The following SPSB1 variants were observed in gnomAD, a reference collection of about 807,000 sequenced individuals.
SPSB1 encodes SPRY domain-containing SOCS box protein 1.
SPSB1 carries 8 observed loss-of-function variants against 21.2 expected under a neutral mutation model. The ratio of observed to expected loss-of-function variants is 0.38; its 90% CI spans 0.22 to 0.68. The LOEUF (loss-of-function observed/expected upper bound fraction) is 0.68. Among genes scored for constraint, SPSB1 ranks in the 30% least tolerant of loss-of-function variants. The pLI is 0.53. For missense variants in SPSB1, 242 were observed against 377.8 expected (o/e 0.64, Z 2.98); for synonymous variants, 169 against 161.7 (o/e 1.05, Z -0.34).
chr1:9,342,270 A>G (rs1640102887), intron 1 of SPSB1, among the ~76,000 whole-genome samples: 1 of 152,130 alleles, frequency 6.6e-6, no homozygotes, highest in African/African-American at 2.4e-5. Context: ...CAGGCCTGTG[A>G]GTGACGATCC....
rs1167758313 is a variant in SPSB1 at position 9,305,250 on chromosome 1, C to T, written c.-150+12179C>T. Among the ~76,000 whole-genome samples, 1 of 152,214 alleles carries T rather than the reference C, an allele frequency of 6.6e-6. No homozygotes were observed. The highest frequency in any genetic ancestry group is 1.5e-5 in the Non-Finnish European group (1 of 68,032). ...CTACCGGCTGGCCCATACCCTCTCG[C>T]TTCACTTTCCAAAACCGGATCCCCT... is the stretch of plus-strand genomic sequence containing the variant. On this transcript the variant is annotated intron_variant, in intron 1 of 2. Coordinates refer to ENST00000328089, the MANE Select transcript of SPSB1 (RefSeq NM_025106.4). The surrounding 1 kb of genome is among the most constrained non-coding windows in gnomAD (Gnocchi z 4.8).
intron 1 of SPSB1, among the ~76,000 whole-genome samples, chr1:9,325,225 ACCCC>A (rs33978312): frequency 6.0e-5 from 8 of 133,716 alleles, no homozygotes; most frequent in Non-Finnish European, 7.6e-5. Flanking sequence ...TCCCACCACC[ACCCC>A]CCCCCCCCGC....
chr1:9,365,649 G>A (rs1173415673), intron 2 of SPSB1, among the ~76,000 whole-genome samples: 1 of 152,272 alleles, frequency 6.6e-6, no homozygotes, highest in East Asian at 1.9e-4. Flanking sequence ...TCTCCATTCT[G>A]CCATGCCCCA....
chr1:9,330,730 C>A, intron 1 of SPSB1, among the ~76,000 whole-genome samples: 1 of 150,604 alleles, frequency 6.6e-6, no homozygotes, highest in Admixed American at 6.6e-5. Flanking sequence ...CGTGGTAAAA[C>A]ATACAAAAAC....
At chr1:9,299,468 ATCTCTC>A (rs113928555) in intron 1 of SPSB1, among the ~76,000 whole-genome samples, 2 of 150,274 alleles carry the variant, frequency 1.3e-5, no homozygotes, top group South Asian at 2.1e-4. Flanking sequence ...GTGAGACGTC[ATCTCTC>A]TCTCTCTCTC....
intron 1 of SPSB1, chr1:9,339,382 C>A: frequency 2.4e-6 from 2 of 842,408 alleles, no homozygotes; most frequent in Non-Finnish European, 2.9e-6. Flanking sequence ...AGGCCAGGTT[C>A]TGGCAGGACC....
chr1:9,318,026 G>A (rs1639642900), intron 1 of SPSB1, among the ~76,000 whole-genome samples: 1 of 152,232 alleles, frequency 6.6e-6, no homozygotes, highest in African/African-American at 2.4e-5. Context: ...TGCCAGGTGG[G>A]GAGAGGAAGC....
chr1:9,330,626 G>A (rs182667936), intron 1 of SPSB1, among the ~76,000 whole-genome samples: 2 of 151,890 alleles, frequency 1.3e-5, no homozygotes, highest in Non-Finnish European at 2.9e-5. Flanking sequence ...TTTTGGGTTT[G>A]CCTGTCCTCT....
At chr1:9,349,278 G>T (rs796228916) in intron 1 of SPSB1, among the ~76,000 whole-genome samples, 1 of 152,200 alleles carries the variant, frequency 6.6e-6, no homozygotes, top group Non-Finnish European at 1.5e-5. Context: ...GCTTCCCCGA[G>T]CCCAGCCCTC....
At position 9,368,710 on chromosome 1, in the gene SPSB1, G is replaced by T. The variant is rs9728893; in HGVS notation, c.*1135G>T. 2 of 151,820 alleles carry T rather than the reference G, an allele frequency of 1.3e-5. No individual in the cohort carries two copies. Among genetic ancestry groups the T allele is most frequent in the East Asian group, 2.0e-4 (1 of 5,126 alleles). 9.4% of individuals were successfully genotyped at this position (151,820 alleles called of 1,614,324 possible). ...GTGGGTCTCCATTCCCCGAGAAGCCGGGGGCAGGGTGGGATGGGGAAGACC... is the reference window on the plus strand; with the variant it reads ...GTGGGTCTCCATTCCCCGAGAAGCCTGGGGCAGGGTGGGATGGGGAAGACC... On this transcript the variant is annotated 3_prime_UTR_variant, in exon 3 of 3. Transcript: ENST00000328089.
intron 1 of SPSB1, among the ~76,000 whole-genome samples, chr1:9,353,384 C>T (rs1370675121): frequency 6.6e-6 from 1 of 152,148 alleles, no homozygotes; most frequent in Non-Finnish European, 1.5e-5. Context: ...TCTGCAGCGC[C>T]ATGGAGGGAG....
At chr1:9,344,117 G>A (rs948610515) in intron 1 of SPSB1, among the ~76,000 whole-genome samples, 1 of 152,188 alleles carries the variant, frequency 6.6e-6, no homozygotes, top group Non-Finnish European at 1.5e-5. Flanking sequence ...TATGGTACAA[G>A]TGTAATCCTG....
chr1:9,298,250 T>TA (rs770799621), intron 1 of SPSB1, among the ~76,000 whole-genome samples: 12 of 152,210 alleles, frequency 7.9e-5, no homozygotes, highest in Non-Finnish European at 1.3e-4. Flanking sequence ...AGCAGAAACT[T>TA]ACAGGTCAAA....
At position 9,345,865 on chromosome 1, in the gene SPSB1, C is replaced by T. The variant is rs1326482852; in HGVS notation, c.-149-9878C>T. ...GCACAGACTTATTTTTATATCCCTC[C>T]TTGAGGGGTCCCTCCTCAAGTTGGC... On this transcript the variant is annotated intron_variant, in intron 1 of 2. Transcript: ENST00000328089. This position sits in a 1 kb window ranked among gnomAD's most constrained non-coding sequence, Gnocchi z 4.8. 6.6e-6 allele frequency among the ~76,000 whole-genome samples: 1 copy of T among 152,156 alleles called. No individual in the cohort carries two copies. Among genetic ancestry groups the T allele is most frequent in the Non-Finnish European group, 1.5e-5 (1 of 68,002 alleles).
intron 2 of SPSB1, among the ~76,000 whole-genome samples, chr1:9,366,442 G>A (rs542119105): frequency 6.6e-6 from 1 of 152,354 alleles, no homozygotes; most frequent in South Asian, 2.1e-4. Context: ...TTCAGGACAG[G>A]GTTTGCCATG....
intron 1 of SPSB1, among the ~76,000 whole-genome samples, chr1:9,325,775 C>T (rs1257000726): frequency 6.6e-6 from 1 of 152,174 alleles, no homozygotes; most frequent in Non-Finnish European, 1.5e-5. Flanking sequence ...GCCATTTGGG[C>T]AGGATGGCTG....
In SPSB1 at chr1:9,324,463, G is replaced by A. The variant is rs1441033363; in HGVS notation, c.-149-31280G>A. Among the ~76,000 whole-genome samples the A allele has an allele frequency of 6.6e-6, 1 of 151,406 alleles. No individual in the cohort carries two copies. Among genetic ancestry groups the A allele is most frequent in the Non-Finnish European group, 1.5e-5 (1 of 67,842 alleles). On this transcript the variant is annotated intron_variant, in intron 1 of 2. Coordinates refer to ENST00000328089, the MANE Select transcript of SPSB1 (RefSeq NM_025106.4). This position sits in a 1 kb window ranked among gnomAD's most constrained non-coding sequence, Gnocchi z 4.3. ...TGCACATCCCTGGCTGTCCTCCATG[G>A]TGTCTCTCTGTGCCCAGCCTCTGGA...
chr1:9,305,625 C>A lies in SPSB1; in HGVS notation c.-150+12554C>A, dbSNP rs1639398772. Reference sequence around the variant, plus strand: ...GACTCCCCGTCACGGAACTAAACTGCCAGGTGTTCCGTTCTCAGACCAGAC... The same window carrying A: ...GACTCCCCGTCACGGAACTAAACTGACAGGTGTTCCGTTCTCAGACCAGAC... On this transcript the variant is annotated intron_variant, in intron 1 of 2. Coordinates refer to ENST00000328089, the MANE Select transcript of SPSB1 (RefSeq NM_025106.4). This position sits in a 1 kb window ranked among gnomAD's most constrained non-coding sequence, Gnocchi z 4.8. 6.6e-6 allele frequency among the ~76,000 whole-genome samples: 1 copy of A among 152,168 alleles called. No individual in the cohort carries two copies. The highest frequency in any genetic ancestry group is 1.5e-5 in the Non-Finnish European group (1 of 68,036).
intron 1 of SPSB1, among the ~76,000 whole-genome samples, chr1:9,336,505 C>A (rs563514699): frequency 2.0e-5 from 3 of 152,214 alleles, no homozygotes; most frequent in Non-Finnish European, 4.4e-5. Context: ...GGATTACAGG[C>A]GTGAGCCACC....
Sources: allele counts gnomAD v4.1 joint callset (sites outside exome capture counted in the v4.1 genomes callset), GRCh38; gene constraint gnomAD v4.1.1; non-coding constraint Gnocchi (gnomAD v3.1); transcripts MANE v1.5; gene names NCBI Gene and HGNC (gene_info 2026-07-23, HGNC 2026-07-21).